Variants in C10orf143 observed in about 807,000 individuals in gnomAD.
C10orf143 encodes the protein uncharacterized protein C10orf143.
Position 130,100,253 on chromosome 10 carries a change from G to A in C10orf143, c.69+10451C>T, listed in dbSNP as rs1181976606. Among the ~76,000 whole-genome samples the A allele has an allele frequency of 2.0e-5, 3 of 151,974 alleles. No individual in the cohort carries two copies. The East Asian group carries it at 5.8e-4, about 29-fold the overall frequency. On this transcript the variant is annotated intron_variant, in intron 1 of 3. Transcript: ENST00000637128. ...TGACCAAAAATGGACAAAACAGGGCGAGGCACAGTGGCTCACGCATGTAAT... is the reference window on the plus strand; with the variant it reads ...TGACCAAAAATGGACAAAACAGGGCAAGGCACAGTGGCTCACGCATGTAAT...
intron 1 of C10orf143, chr10:130,106,524 C>T (rs755882843): frequency 6.3e-6 from 10 of 1,598,562 alleles, no homozygotes; most frequent in East Asian, 2.2e-5. Flanking sequence ...TCTAAACATT[C>T]GCAACAAAAT....
intron 1 of C10orf143, among the ~76,000 whole-genome samples, chr10:130,082,221 A>T (rs1364152215): frequency 6.6e-6 from 1 of 151,922 alleles, no homozygotes; most frequent in East Asian, 1.9e-4. Context: ...TATGTTGACC[A>T]GGCTGGTCTC....
chr10:130,109,093 C>A (rs1861714444), intron 1 of C10orf143, among the ~76,000 whole-genome samples: 2 of 152,176 alleles, frequency 1.3e-5, no homozygotes, highest in Non-Finnish European at 2.9e-5. Context: ...TCCCTCTACA[C>A]AGTCACGTCT....
At chr10:130,050,027 G>A (rs1481670038) in intron 3 of C10orf143, among the ~76,000 whole-genome samples, 1 of 152,176 alleles carries the variant, frequency 6.6e-6, no homozygotes, top group Non-Finnish European at 1.5e-5. Context: ...TCAGGGCCTC[G>A]ACAGTGTGCA....
At chr10:130,089,287 A>G (rs1861343194) in intron 1 of C10orf143, among the ~76,000 whole-genome samples, 1 of 152,250 alleles carries the variant, frequency 6.6e-6, no homozygotes, top group Non-Finnish European at 1.5e-5. Flanking sequence ...TGAATAAATT[A>G]AGGATCTTAA....
downstream of C10orf143, among the ~76,000 whole-genome samples, chr10:130,060,620 G>C (rs568653939): frequency 1.3e-5 from 2 of 149,076 alleles, no homozygotes; most frequent in Middle Eastern, 7.4e-3. Flanking sequence ...TCAGGAGATC[G>C]AGACCATCCT....
At chr10:130,108,076 T>G (rs1008539172) in intron 1 of C10orf143, 1 of 1,495,172 alleles carries the variant, frequency 6.7e-7, no homozygotes, top group African/African-American at 1.4e-5. Context: ...CTGATTCATC[T>G]CTCCCTGCTG....
intron 1 of C10orf143, among the ~76,000 whole-genome samples, chr10:130,109,648 T>G (rs1020488421): frequency 1.1e-4 from 17 of 152,050 alleles, no homozygotes; most frequent in African/African-American, 4.1e-4. Context: ...AATATAACAA[T>G]TGGTACCTGG....
intron 1 of C10orf143, among the ~76,000 whole-genome samples, chr10:130,085,590 G>T (rs572562648): frequency 6.6e-6 from 1 of 152,256 alleles, no homozygotes; most frequent in Admixed American, 6.5e-5. Context: ...ACAGAAAAAG[G>T]ATATTAGAGG....
intron 3 of C10orf143, among the ~76,000 whole-genome samples, chr10:130,043,216 C>T (rs989749456): frequency 5.9e-5 from 9 of 152,094 alleles, no homozygotes; most frequent in African/African-American, 2.2e-4. Context: ...TGCTTCATAA[C>T]CTAAGTGTGT....
In C10orf143 at chr10:130,106,166, T is replaced by C. The variant is rs750748640; in HGVS notation, c.69+4538A>G. 10 of 842,034 alleles carry C rather than the reference T, an allele frequency of 1.2e-5. No individual in the cohort carries two copies. The African/African-American group carries it at 1.3e-4, about 11-fold the overall frequency. 52.2% of individuals were successfully genotyped at this position (842,034 alleles called of 1,614,324 possible). On this transcript the variant is annotated intron_variant, in intron 1 of 3. Coordinates refer to ENST00000637128, the MANE Select transcript of C10orf143 (RefSeq NM_001355042.2). ...GGATTCGAATCCTCATGGTTTTCCA[T>C]GGGAAATGGTGATATGTGCAGCTGT...
At chr10:130,106,062 C>A (rs1190140226) in intron 1 of C10orf143, 14 of 575,736 alleles carry the variant, frequency 2.4e-5, no homozygotes, top group Non-Finnish European at 4.4e-5. Context: ...GAGCCAGGGG[C>A]TACCCCTCAG....
intron 3 of C10orf143, among the ~76,000 whole-genome samples, chr10:130,077,233 T>G (rs754361630): frequency 6.6e-6 from 1 of 152,056 alleles, no homozygotes; most frequent in Non-Finnish European, 1.5e-5. Flanking sequence ...AGTCCTTGCA[T>G]ATGAGAAAAT....
At chr10:130,094,244 A>G (rs1861429461) in intron 1 of C10orf143, among the ~76,000 whole-genome samples, 1 of 152,148 alleles carries the variant, frequency 6.6e-6, no homozygotes, top group African/African-American at 2.4e-5. Flanking sequence ...ATAGCCTACC[A>G]ACCAAAAAAA....
At chr10:130,063,535 C>T (rs1333217954), downstream of C10orf143, among the ~76,000 whole-genome samples, 1 of 152,174 alleles carries the variant, frequency 6.6e-6, no homozygotes, top group Non-Finnish European at 1.5e-5. Flanking sequence ...TGGTGCTGTA[C>T]TGGTTTCAAC....
intron 1 of C10orf143, among the ~76,000 whole-genome samples, chr10:130,092,504 T>A (rs1861397951): frequency 6.6e-6 from 1 of 152,166 alleles, no homozygotes; most frequent in African/African-American, 2.4e-5. Context: ...AGAAACTGCA[T>A]CAATTAACGG....
At chr10:130,052,691 A>G (rs1176284026) in intron 3 of C10orf143, among the ~76,000 whole-genome samples, 1 of 152,240 alleles carries the variant, frequency 6.6e-6, no homozygotes, top group African/African-American at 2.4e-5. Context: ...TTTTAATAAA[A>G]GTACAGGATT....
At chr10:130,067,057 A>G (rs1186085) in intron 3 of C10orf143, 141,793 of 152,282 alleles carry the variant, frequency 0.93, 66,051 homozygotes, top group Admixed American at 0.95. Context: ...CTAACCTTGG[A>G]ATGAAAAGGG....
chr10:130,106,754 A>C, intron 1 of C10orf143: 2 of 1,244,860 alleles, frequency 1.6e-6, no homozygotes, highest in Non-Finnish European at 2.4e-6. Flanking sequence ...CGAACAAGTG[A>C]ATGAACTTAA....
Sources: gnomAD v4.1 joint callset for allele counts (sites outside exome capture counted in the v4.1 genomes callset) on GRCh38, gnomAD v4.1.1 for gene constraint, MANE v1.5 for transcripts, NCBI Gene and HGNC (gene_info 2026-07-23, HGNC 2026-07-21) for gene names.